The following TBC1D2B variants were observed in gnomAD, a reference collection of about 807,000 sequenced individuals.
TBC1D2B encodes TBC1 domain family member 2B.
TBC1D2B carries 64 observed loss-of-function variants against 100.8 expected under a neutral mutation model. The observed-to-expected ratio is 0.64, with a 90% CI of 0.52 to 0.78. TBC1D2B has a LOEUF of 0.78. Among genes scored for constraint, TBC1D2B ranks in the 30% least tolerant of loss-of-function variants. TBC1D2B has a pLI of 0.00. For synonymous variants in TBC1D2B, 480 were observed against 479.7 expected, an observed-to-expected ratio of 1.00 and a Z score of -0.01; for missense variants, 1,052 against 1,218.4, an observed-to-expected ratio of 0.86 and a Z score of 2.03.
intron 1 of TBC1D2B, among the ~76,000 whole-genome samples, chr15:78,073,931 T>C (rs943349622): frequency 2.7e-5 from 4 of 150,730 alleles, no homozygotes; most frequent in African/African-American, 9.8e-5. Flanking sequence ...ACTGTGCCAC[T>C]GCACTCCAGC....
At chr15:78,006,903 C>A (rs1047610662) in intron 10 of TBC1D2B, among the ~76,000 whole-genome samples, 1 of 152,244 alleles carries the variant, frequency 6.6e-6, no homozygotes, top group Non-Finnish European at 1.5e-5. Flanking sequence ...AAAGACAGGG[C>A]CGTGGCCCTC....
At chr15:78,025,190 T>C (rs752042918) in intron 5 of TBC1D2B, 69 bp downstream of exon 5, 5 of 1,334,600 alleles carry the variant, frequency 3.7e-6, no homozygotes, top group Non-Finnish European at 4.2e-6. Flanking sequence ...GAAACATAAA[T>C]TGGGCTTTAC....
chr15:78,024,732 ACTGT>A (rs2072614062), intron 5 of TBC1D2B, among the ~76,000 whole-genome samples, 193 bp from the exon 6 acceptor site: 1 of 152,230 alleles, frequency 6.6e-6, no homozygotes, highest in Non-Finnish European at 1.5e-5. Context: ...CTCCATAAAG[ACTGT>A]CTGTAGAGAA....
At chr15:78,008,847 C>G (rs933225879) in intron 10 of TBC1D2B, 150 bp downstream of exon 10, 1 of 624,562 alleles carries the variant, frequency 1.6e-6, no homozygotes. Context: ...CTGGGGACAG[C>G]CTCTGAGATG....
chr15:78,034,814 G>A (rs1013760761), intron 3 of TBC1D2B: 1 of 903,288 alleles, frequency 1.1e-6, no homozygotes, highest in Non-Finnish European at 1.3e-6. Context: ...GCCAATTCCT[G>A]TTTTTGCTCT....
chr15:78,068,383 C>CCACACACACACACA lies in TBC1D2B; in HGVS notation c.360+8896_360+8909dup, dbSNP rs35403620. Among the ~76,000 whole-genome samples, 1,191 of 143,076 alleles carry CCACACACACACACA rather than the reference C, an allele frequency of 8.3e-3. 14 individuals are homozygous for CCACACACACACACA. The highest frequency in any genetic ancestry group is 0.024 in the Admixed American group (345 of 14,312). The allele number at this position is 143,076 out of a possible 152,430, so 93.9% of individuals were successfully genotyped here. A position where few individuals can be genotyped will look rare whatever the true frequency, so the allele number is the denominator to read the frequency against. The stretch of plus-strand genomic sequence containing the variant: ...TGAAATGAAAGCACACACACCACAC[C>CCACACACACACACA]CACACACACACACACACACACACAC... On this transcript the variant is annotated intron_variant, in intron 1 of 12. Transcript: ENST00000300584.
chr15:78,061,504 T>C (rs1453948407), intron 1 of TBC1D2B, among the ~76,000 whole-genome samples: 1 of 151,384 alleles, frequency 6.6e-6, no homozygotes. Context: ...GCCCAGGAGG[T>C]TGAAGCTGCA....
intron 1 of TBC1D2B, among the ~76,000 whole-genome samples, chr15:78,058,320 G>A (rs1176283964): frequency 3.3e-5 from 5 of 152,180 alleles, no homozygotes; most frequent in South Asian, 4.1e-4. Flanking sequence ...TGGGGTCCAC[G>A]GGGGTGTGGG....
chr15:78,075,014 C>A (rs1332835479), intron 1 of TBC1D2B, among the ~76,000 whole-genome samples: 1 of 152,060 alleles, frequency 6.6e-6, no homozygotes, highest in Non-Finnish European at 1.5e-5. Flanking sequence ...ATCCTCACAG[C>A]CACCTAATGA....
At chr15:78,047,828 A>G (rs920106345) in intron 2 of TBC1D2B, among the ~76,000 whole-genome samples, 4 of 152,092 alleles carry the variant, frequency 2.6e-5, no homozygotes. Context: ...GGGGTGCTCA[A>G]TGTTGGTGAC....
At chr15:78,068,792 C>T (rs571438172) in intron 1 of TBC1D2B, among the ~76,000 whole-genome samples, 1 of 152,342 alleles carries the variant, frequency 6.6e-6, no homozygotes, top group South Asian at 2.1e-4. Flanking sequence ...AGTTACAAGC[C>T]ACTAACTAGT....
chr15:78,057,486 AT>A (rs1425645184), intron 1 of TBC1D2B, among the ~76,000 whole-genome samples: 3 of 152,122 alleles, frequency 2.0e-5, no homozygotes, highest in African/African-American at 7.2e-5. Flanking sequence ...TACTAAAAGT[AT>A]TTTTAAAAAT....
At chr15:78,012,220 T>G (rs2072249505) in intron 9 of TBC1D2B, among the ~76,000 whole-genome samples, 1 of 152,224 alleles carries the variant, frequency 6.6e-6, no homozygotes. Context: ...AAGAGCTTTG[T>G]GGGGAGCAAA....
At chr15:78,046,893 C>G (rs2073206948) in intron 2 of TBC1D2B, among the ~76,000 whole-genome samples, 1 of 152,190 alleles carries the variant, frequency 6.6e-6, no homozygotes, top group Non-Finnish European at 1.5e-5. Flanking sequence ...GCTGCGCAGG[C>G]TTGGAGAGCA....
chr15:78,012,956 C>T lies in TBC1D2B; in HGVS notation c.2137G>A (p.Asp713Asn). 1 of 1,578,252 alleles carries T rather than the reference C, an allele frequency of 6.3e-7. No individual in the cohort carries two copies. The highest frequency in any genetic ancestry group is 2.3e-5 in the East Asian group (1 of 44,376). ...QNPASKQIELDLLRTLPNNKH... is the reference protein window; with the variant it reads ...QNPASKQIELNLLRTLPNNKH... Reference sequence around the variant, plus strand: ...TTGTTGGGCAGAGTTCGCAGCAAGTCCAGCTCAATCTGCTTGGAGGCTGGG... The same window carrying T: ...TTGTTGGGCAGAGTTCGCAGCAAGTTCAGCTCAATCTGCTTGGAGGCTGGG... Residue 713 changes from aspartate to asparagine, a missense_variant, in exon 9 of 13, where the codon GAC becomes AAC. Asp to Asn is a conservative substitution (Grantham distance 23). Transcript: ENST00000300584.
intron 4 of TBC1D2B, among the ~76,000 whole-genome samples, chr15:78,026,008 A>AT (rs1338002313): frequency 6.6e-6 from 1 of 151,524 alleles, no homozygotes; most frequent in African/African-American, 2.4e-5. Flanking sequence ...GAGATGATTG[A>AT]TTCCCCCCAC....
chr15:78,065,589 T>C (rs889254344), intron 1 of TBC1D2B, among the ~76,000 whole-genome samples: 3 of 152,342 alleles, frequency 2.0e-5, no homozygotes, highest in South Asian at 2.1e-4. Context: ...AGCTCTGCCA[T>C]TGCACAATGT....
intron 1 of TBC1D2B, among the ~76,000 whole-genome samples, chr15:78,063,096 T>C (rs1417895200): frequency 6.6e-6 from 1 of 152,246 alleles, no homozygotes; most frequent in East Asian, 1.9e-4. Context: ...AGGTATCAAC[T>C]ATCTATATTA....
At chr15:78,071,714 C>G (rs1350335637) in intron 1 of TBC1D2B, among the ~76,000 whole-genome samples, 2 of 152,194 alleles carry the variant, frequency 1.3e-5, no homozygotes, top group African/African-American at 4.8e-5. Context: ...CTGATCACTT[C>G]TAAAGGGTCA....
Sources: gnomAD v4.1 joint callset for allele counts (sites outside exome capture counted in the v4.1 genomes callset) on GRCh38, gnomAD v4.1.1 for gene constraint, MANE v1.5 for transcripts, NCBI Gene and HGNC (gene_info 2026-07-23, HGNC 2026-07-21) for gene names.